NKAIN1: variants seen among roughly 807,000 people sequenced by gnomAD.
NKAIN1 encodes the protein sodium/potassium-transporting ATPase subunit beta-1-interacting protein 1.
A neutral mutation model predicts 31.6 loss-of-function variants in NKAIN1; 13 were observed. The ratio of observed to expected loss-of-function variants is 0.41; its 90% CI spans 0.27 to 0.65. NKAIN1 has a LOEUF of 0.65. Ranked by LOEUF, NKAIN1 falls within the 30% of genes least tolerant of loss-of-function variation. NKAIN1 has a pLI of 0.30. For synonymous variants in NKAIN1, 104 were observed against 109.0 expected (o/e 0.95, Z 0.28); for missense variants, 193 against 262.2 (o/e 0.74, Z 1.82).
intron 1 of NKAIN1, 112 bp from the exon 2 acceptor site, chr1:31,188,299 A>T: frequency 1.6e-5 from 19 of 1,191,198 alleles, no homozygotes; most frequent in East Asian, 2.5e-5. Flanking sequence ...ATGAGGCATA[A>T]GCCTCAGAAC....
chr1:31,200,205 T>C lies in NKAIN1; in HGVS notation c.55-12018A>G, dbSNP rs1261724332. The stretch of plus-strand genomic sequence containing the variant: ...TCCCACTGGGAAATGGCCACGGCCA[T>C]CACTGTTAGGTGAAAAAAGCAAGCT... On this transcript the variant is annotated intron_variant, in intron 1 of 6. Coordinates refer to ENST00000373736, the MANE Select transcript of NKAIN1 (RefSeq NM_024522.3). 5.9e-5 allele frequency among the ~76,000 whole-genome samples: 9 copies of C among 152,206 alleles called. 1 individual carries two copies. The East Asian group carries it at 1.2e-3, about 20-fold the overall frequency.
At chr1:31,234,088 C>T (rs547100473) in intron 1 of NKAIN1, among the ~76,000 whole-genome samples, 30 of 152,370 alleles carry the variant, frequency 2.0e-4, no homozygotes, top group Middle Eastern at 3.4e-3. Context: ...CTACCCTGCT[C>T]CGCCCATCTC....
At chr1:31,207,470 T>C (rs1645433777) in intron 1 of NKAIN1, among the ~76,000 whole-genome samples, 1 of 152,198 alleles carries the variant, frequency 6.6e-6, no homozygotes, top group South Asian at 2.1e-4. Flanking sequence ...CCTGTGTTGC[T>C]CATACAGAGG....
Position 31,233,035 on chromosome 1 carries a change from G to A in NKAIN1, c.54+6459C>T, listed in dbSNP as rs895138970. ...AGCTCCTTGGCACACTGCAACCTCCGCCTCCCAGGTTCAAATGATTCTCTT... is the reference window on the plus strand; with the variant it reads ...AGCTCCTTGGCACACTGCAACCTCCACCTCCCAGGTTCAAATGATTCTCTT... On this transcript the variant is annotated intron_variant, in intron 1 of 6. Coordinates refer to ENST00000373736, the MANE Select transcript of NKAIN1 (RefSeq NM_024522.3). The surrounding 1 kb of genome is among the most constrained non-coding windows in gnomAD (Gnocchi z 4.0). Among the ~76,000 whole-genome samples the A allele has an allele frequency of 2.6e-5, 4 of 151,970 alleles. No individual in the cohort carries two copies. Among genetic ancestry groups the A allele is most frequent in the East Asian group, 1.9e-4 (1 of 5,186 alleles).
At chr1:31,193,044 C>T (rs569886409) in intron 1 of NKAIN1, among the ~76,000 whole-genome samples, 2 of 148,452 alleles carry the variant, frequency 1.3e-5, no homozygotes, top group South Asian at 4.3e-4. Flanking sequence ...TAAACAATCT[C>T]AATTTTATTT....
intron 1 of NKAIN1, among the ~76,000 whole-genome samples, chr1:31,225,287 A>G (rs1645594795): frequency 1.4e-5 from 2 of 146,204 alleles, no homozygotes; most frequent in Admixed American, 1.4e-4. Context: ...CAGCCTCCCA[A>G]AGTGCTGGGA....
At chr1:31,203,222 G>A (rs967666388) in intron 1 of NKAIN1, among the ~76,000 whole-genome samples, 29 of 150,586 alleles carry the variant, frequency 1.9e-4, no homozygotes, top group Admixed American at 3.3e-4. Context: ...CCGAGATTGC[G>A]CCACTGCACT....
At chr1:31,199,316 G>A (rs1645358580) in intron 1 of NKAIN1, among the ~76,000 whole-genome samples, 1 of 152,222 alleles carries the variant, frequency 6.6e-6, no homozygotes, top group Non-Finnish European at 1.5e-5. Flanking sequence ...GAAATGTCCT[G>A]AGGATTCAGA....
chr1:31,210,139 T>C (rs1458891991), intron 1 of NKAIN1, among the ~76,000 whole-genome samples: 2 of 152,158 alleles, frequency 1.3e-5, no homozygotes, highest in Non-Finnish European at 1.5e-5. Context: ...TTTGCAGAAA[T>C]GCATTATGTC....
chr1:31,204,153 A>G (rs1318889897), intron 1 of NKAIN1, among the ~76,000 whole-genome samples: 2 of 152,092 alleles, frequency 1.3e-5, no homozygotes, highest in Non-Finnish European at 2.9e-5. Flanking sequence ...GCTCTGGATG[A>G]ATGAAATGAG....
intron 1 of NKAIN1, among the ~76,000 whole-genome samples, chr1:31,213,987 C>A (rs1645490028): frequency 7.2e-6 from 1 of 139,754 alleles, no homozygotes; most frequent in African/African-American, 2.7e-5. Context: ...GAGTGAGCCC[C>A]TGTCTCAAAA....
chr1:31,188,692 T>C (rs533359159), intron 1 of NKAIN1, among the ~76,000 whole-genome samples: 7 of 152,344 alleles, frequency 4.6e-5, no homozygotes, highest in African/African-American at 1.4e-4. Context: ...CCTATTTCCA[T>C]GCTCTTCAGT....
intron 1 of NKAIN1, among the ~76,000 whole-genome samples, chr1:31,196,737 TA>T (rs1465951558): frequency 2.1e-5 from 2 of 97,038 alleles, no homozygotes; most frequent in South Asian, 6.4e-4. Context: ...AATAAATAAA[TA>T]AATAAATAAT....
At chr1:31,211,263 A>G (rs1364997484) in intron 1 of NKAIN1, among the ~76,000 whole-genome samples, 1 of 152,238 alleles carries the variant, frequency 6.6e-6, no homozygotes, top group African/African-American at 2.4e-5. Context: ...AATAAACTAA[A>G]GAATCCCCAA....
At chr1:31,199,524 G>A (rs562921485) in intron 1 of NKAIN1, among the ~76,000 whole-genome samples, 5 of 152,110 alleles carry the variant, frequency 3.3e-5, no homozygotes, top group Non-Finnish European at 7.3e-5. Flanking sequence ...AGACAACAGA[G>A]CTGGAAGGAC....
intron 1 of NKAIN1, among the ~76,000 whole-genome samples, chr1:31,226,155 A>G (rs10914332): frequency 0.21 from 31,566 of 152,280 alleles, 3,738 homozygotes; most frequent in African/African-American, 0.32. Flanking sequence ...CCTTCATTAC[A>G]GATGAAGAAA....
chr1:31,205,912 C>T (rs1356823343), intron 1 of NKAIN1, among the ~76,000 whole-genome samples: 6 of 151,492 alleles, frequency 4.0e-5, no homozygotes, highest in East Asian at 2.0e-4. Flanking sequence ...CATGAGCCAC[C>T]GCGCCCGGCC....
chr1:31,227,439 G>C (rs983000795), intron 1 of NKAIN1, among the ~76,000 whole-genome samples: 7 of 152,180 alleles, frequency 4.6e-5, no homozygotes, highest in African/African-American at 1.4e-4. Flanking sequence ...CTCAGATTCT[G>C]CTTCGGTGAA....
rs1165708785 is a variant in NKAIN1 at position 31,197,187 on chromosome 1, C to CT, written c.55-9001dup. ...AGTGCAGTGGCACAATCTCGGCTCACTGCAAGCTCTGCCTCCCAGGTTCAC... is the reference window on the plus strand; with the variant it reads ...AGTGCAGTGGCACAATCTCGGCTCACTTGCAAGCTCTGCCTCCCAGGTTCAC... On this transcript the variant is annotated intron_variant, in intron 1 of 6. Transcript: ENST00000373736. Among the ~76,000 whole-genome samples the CT allele has an allele frequency of 2.7e-5, 4 of 150,472 alleles. No homozygotes were observed. In the Admixed American group the frequency reaches 2.7e-4, roughly 10 times the overall value.
Sources: allele counts gnomAD v4.1 joint callset (sites outside exome capture counted in the v4.1 genomes callset), GRCh38; gene constraint gnomAD v4.1.1; non-coding constraint Gnocchi (gnomAD v3.1); transcripts MANE v1.5; gene names NCBI Gene and HGNC (gene_info 2026-07-23, HGNC 2026-07-21).